LCT: variants seen among roughly 807,000 people sequenced by gnomAD.
LCT encodes the protein lactase/phlorizin hydrolase.
LCT carries 90 observed loss-of-function variants against 173.0 expected under a neutral mutation model. That is an observed-to-expected ratio of 0.52 (90% CI 0.44 to 0.62). LCT has a LOEUF of 0.62. Among genes scored for constraint, LCT ranks in the 20% least tolerant of loss-of-function variants. The pLI is 0.00. For missense variants in LCT, 1,864 were observed against 2,431.4 expected (o/e 0.77, Z 4.91); for synonymous variants, 853 against 957.6 (o/e 0.89, Z 2.02).
intron 9 of LCT, among the ~76,000 whole-genome samples, chr2:135,805,272 C>T (rs1457115066): frequency 6.6e-6 from 1 of 152,088 alleles, no homozygotes; most frequent in Admixed American, 6.5e-5. Flanking sequence ...CCAGCCTGGG[C>T]AACATGGCAA....
intron 14 of LCT, among the ~76,000 whole-genome samples, chr2:135,793,171 C>T (rs975264644): frequency 2.6e-5 from 4 of 152,220 alleles, no homozygotes; most frequent in African/African-American, 9.6e-5. Context: ...TTTGAGAAAA[C>T]CAGTGCACGA....
At chr2:135,813,266 C>A (rs190170781) in intron 6 of LCT, among the ~76,000 whole-genome samples, 98 of 152,198 alleles carry the variant, frequency 6.4e-4, no homozygotes, top group African/African-American at 2.2e-3. Context: ...AAATCCAAAC[C>A]AATGTCAACA....
intron 11 of LCT, among the ~76,000 whole-genome samples, chr2:135,803,191 C>T (rs12475516): frequency 4.3e-4 from 65 of 151,952 alleles, no homozygotes; most frequent in African/African-American, 1.5e-3. Context: ...AAGAGGACTC[C>T]GAATTTTCCC....
chr2:135,833,441 C>CTTT (rs35636116), intron 1 of LCT, among the ~76,000 whole-genome samples: 41 of 53,884 alleles, frequency 7.6e-4, no homozygotes, highest in African/African-American at 2.5e-3. Flanking sequence ...TCCTAAACTT[C>CTTT]TTTTTTTTTT....
rs753549631 is a variant in LCT, at chr2:135,809,477, T to C, written c.2870A>G (p.His957Arg). The part of the protein sequence containing the change: ...ATGDIACDSY[H>R]QLDADLNMLR... Reference sequence around the variant, plus strand: ...CATATTCAGATCGGCATCCAGCTGGTGATAGCTGTCACAGGCGATGTCTCC... The same window carrying C: ...CATATTCAGATCGGCATCCAGCTGGCGATAGCTGTCACAGGCGATGTCTCC... The change falls in exon 8 of 17, where the codon CAC becomes CGC. Residue 957 changes from histidine (H) to arginine (R), a missense_variant. Physicochemically the swap from His to Arg is conservative, Grantham distance 29. Transcript: ENST00000264162. The surrounding 1 kb of genome is among the most constrained non-coding windows in gnomAD (Gnocchi z 5.5). 1 of 1,614,114 alleles carries C rather than the reference T, an allele frequency of 6.2e-7. No homozygotes were observed. Among genetic ancestry groups the C allele is most frequent in the African/African-American group, 1.3e-5 (1 of 74,948 alleles).
At chr2:135,824,211 A>ACC (rs552793816) in intron 3 of LCT, among the ~76,000 whole-genome samples, 116 of 151,920 alleles carry the variant, frequency 7.6e-4, no homozygotes, top group African/African-American at 1.1e-3. Context: ...CTCCCCACCA[A>ACC]CCCCCACCTT....
At chr2:135,827,222 G>A (rs1384690980) in intron 3 of LCT, among the ~76,000 whole-genome samples, 3 of 152,104 alleles carry the variant, frequency 2.0e-5, no homozygotes, top group Non-Finnish European at 4.4e-5. Context: ...CAAGTGATCC[G>A]CCTGCCTCAA....
At chr2:135,815,682 G>GTATTATTAT (rs57008352) in intron 6 of LCT, among the ~76,000 whole-genome samples, 127 of 150,812 alleles carry the variant, frequency 8.4e-4, no homozygotes, top group Middle Eastern at 6.9e-3. Flanking sequence ...ACAGGAAATA[G>GTATTATTAT]TATTATTATT....
At position 135,812,878 on chromosome 2, in the gene LCT, G is replaced by A; in HGVS notation, c.1786C>T (p.His596Tyr). The A allele has an allele frequency of 6.2e-7, 1 of 1,614,186 alleles. No individual in the cohort carries two copies. The highest frequency in any genetic ancestry group is 8.5e-7 in the Non-Finnish European group (1 of 1,180,018). ...NSHHRPQQQG[H>Y]VGIVLNSDWA... The stretch of plus-strand genomic sequence containing the variant: ...TCTGAGTTCAGCACAATGCCCACGT[G>A]CCCCTGCTGCTGTGGGCGATGATGG... The change falls in exon 7 of 17, where the codon CAC (histidine) becomes TAC (tyrosine). Residue 596 changes from histidine (H) to tyrosine (Y), a missense_variant. Transcript: ENST00000264162.
In LCT at chr2:135,809,812, G is replaced by T; in HGVS notation, c.2535C>A (p.Asn845Lys). Residue 845 changes from asparagine to lysine, a missense_variant, in exon 8 of 17, where the codon AAC becomes AAA. Asn to Lys is a moderately conservative substitution (Grantham distance 94). Transcript: ENST00000264162. This position sits in a 1 kb window ranked among gnomAD's most constrained non-coding sequence, Gnocchi z 5.5. ...AYFFTSIIEK[N>K]GFLTKGAKRL... Reference sequence around the variant, plus strand: ...TTTTTGCCCCCTTGGTGAGGAAACCGTTCTTTTCTATGATGCTAGTGAAAA... The same window carrying T: ...TTTTTGCCCCCTTGGTGAGGAAACCTTTCTTTTCTATGATGCTAGTGAAAA... 1 of 1,614,140 alleles carries T rather than the reference G, an allele frequency of 6.2e-7. No homozygotes were observed. The highest frequency in any genetic ancestry group is 1.1e-5 in the South Asian group (1 of 91,078).
intron 6 of LCT, among the ~76,000 whole-genome samples, chr2:135,813,740 A>C (rs2077754549): frequency 6.6e-6 from 1 of 152,212 alleles, no homozygotes; most frequent in Non-Finnish European, 1.5e-5. Flanking sequence ...TTTTTGAGAA[A>C]TTAGTCCATG....
intron 1 of LCT, among the ~76,000 whole-genome samples, chr2:135,833,623 T>G (rs1353361832): frequency 1.3e-5 from 2 of 150,270 alleles, no homozygotes; most frequent in African/African-American, 4.9e-5. Context: ...ATTTTTTGCA[T>G]TTTTGGTAGA....
chr2:135,789,859 G>T, intron 15 of LCT, 61 bp from the exon 16 acceptor site: 3 of 1,346,066 alleles, frequency 2.2e-6, no homozygotes, highest in Non-Finnish European at 3.2e-6. Context: ...TTCCTGCCAG[G>T]CCTTCGGAAG....
chr2:135,833,244 C>T (rs2077954189), intron 1 of LCT, 54 bp from the exon 2 acceptor site: 1 of 1,227,664 alleles, frequency 8.1e-7, no homozygotes, highest in South Asian at 1.2e-5. Context: ...GAGGCTCTGA[C>T]TGTGGAAACC....
chr2:135,833,742 G>A (rs1034335815), intron 1 of LCT, among the ~76,000 whole-genome samples: 6 of 151,846 alleles, frequency 4.0e-5, no homozygotes, highest in East Asian at 1.9e-4. Context: ...CACCGCGCCC[G>A]GCCATCTTAA....
chr2:135,819,722 C>T (rs1430641095), intron 5 of LCT, among the ~76,000 whole-genome samples: 1 of 152,188 alleles, frequency 6.6e-6, no homozygotes, highest in Non-Finnish European at 1.5e-5. Context: ...AAAACATATG[C>T]GACTGTGGAT....
intron 2 of LCT, 30 bp downstream of exon 2, chr2:135,833,081 G>A: frequency 6.6e-7 from 1 of 1,515,324 alleles, no homozygotes; most frequent in Non-Finnish European, 9.2e-7. Context: ...CTCCTCAGAT[G>A]TTACAGGTAT....
At position 135,825,117 on chromosome 2, in the gene LCT, A is replaced by T. The variant is rs371282591; in HGVS notation, c.805-1114T>A. On this transcript the variant is annotated intron_variant, in intron 3 of 16. Transcript: ENST00000264162. ...TCAAGGAAAACGTCTCAGGGCTGAC[A>T]TGCTGTTTGACTTCACTTTAAATTA... Among the ~76,000 whole-genome samples, 11 of 152,348 alleles carry T rather than the reference A, an allele frequency of 7.2e-5. No homozygotes were observed. In the East Asian group the frequency reaches 2.1e-3, roughly 29 times the overall value.
chr2:135,825,790 G>T (rs1196499473), intron 3 of LCT, among the ~76,000 whole-genome samples: 1 of 152,186 alleles, frequency 6.6e-6, no homozygotes, highest in African/African-American at 2.4e-5. Context: ...GGGGGCAGGT[G>T]CCTGCTCCTC....
Sources: allele counts gnomAD v4.1 joint callset (sites outside exome capture counted in the v4.1 genomes callset), GRCh38; gene constraint gnomAD v4.1.1; non-coding constraint Gnocchi (gnomAD v3.1); transcripts MANE v1.5; gene names NCBI Gene and HGNC (gene_info 2026-07-23, HGNC 2026-07-21).